The following FSHR variants were observed in gnomAD, a reference collection of about 807,000 sequenced individuals.
FSHR encodes the protein follicle-stimulating hormone receptor.
A neutral mutation model predicts 52.1 loss-of-function variants in FSHR; 46 were observed. The observed-to-expected ratio is 0.88, with a 90% CI of 0.70 to 1.13. FSHR has a LOEUF of 1.13. Among genes scored for constraint, FSHR ranks in the 50% most tolerant of loss-of-function variants. The pLI is 0.00. For synonymous variants in FSHR, 399 were observed against 309.6 expected, an observed-to-expected ratio of 1.29 and a Z score of -3.03; for missense variants, 964 against 834.6, an observed-to-expected ratio of 1.16 and a Z score of -1.91.
Position 49,068,212 on chromosome 2 carries a change from TAC to T in FSHR, c.224+5_224+6del. On this transcript the variant is annotated splice_donor_5th_base_variant and intron_variant, in intron 2 of 9. Transcript: ENST00000406846. ...GGCATTCACTCACAGCAGTGCTAGG[TAC>T]ATACATTTTCTCCAGGTCCCCAAAT... is the stretch of plus-strand genomic sequence containing the variant. The T allele has an allele frequency of 6.2e-7, 1 of 1,607,992 alleles. No homozygotes were observed. Among genetic ancestry groups the T allele is most frequent in the Non-Finnish European group, 8.5e-7 (1 of 1,176,466 alleles).
In FSHR at chr2:49,139,060, C is replaced by A. The variant is rs142742669; in HGVS notation, c.152+15206G>T. Among the ~76,000 whole-genome samples the A allele has an allele frequency of 4.6e-5, 7 of 152,226 alleles. No homozygotes were observed. In the South Asian group the frequency reaches 1.5e-3, roughly 32 times the overall value. On this transcript the variant is annotated intron_variant, in intron 1 of 9. Coordinates refer to ENST00000406846, the MANE Select transcript of FSHR (RefSeq NM_000145.4). Reference sequence around the variant, plus strand: ...ACTACCCACATGATCTTAGACAAATCATTTCATTTCACTGGGCTTCATTTT... The same window carrying A: ...ACTACCCACATGATCTTAGACAAATAATTTCATTTCACTGGGCTTCATTTT...
chr2:49,058,063 G>A (rs11561634), intron 2 of FSHR, among the ~76,000 whole-genome samples: 55,461 of 151,998 alleles, frequency 0.36, 10,521 homozygotes, highest in East Asian at 0.54. Context: ...CTAATATCAT[G>A]TGGATTGAGG....
chr2:49,094,642 C>T (rs993716741), intron 1 of FSHR, among the ~76,000 whole-genome samples: 5 of 152,090 alleles, frequency 3.3e-5, no homozygotes, highest in Non-Finnish European at 7.4e-5. Context: ...AAAAACACAA[C>T]ATCCTGACTT....
chr2:49,050,156 C>G (rs748971452), intron 2 of FSHR, among the ~76,000 whole-genome samples: 27 of 152,146 alleles, frequency 1.8e-4, no homozygotes, highest in Non-Finnish European at 3.4e-4. Context: ...CTTCTAGACA[C>G]TAACTCACGT....
chr2:49,052,921 T>C (rs1668923626), intron 2 of FSHR, among the ~76,000 whole-genome samples: 2 of 152,224 alleles, frequency 1.3e-5, no homozygotes, highest in African/African-American at 2.4e-5. Flanking sequence ...CTTTTATCTG[T>C]GCTGAGTGAG....
intron 8 of FSHR, among the ~76,000 whole-genome samples, chr2:48,971,401 T>G (rs184166591): frequency 6.6e-6 from 1 of 152,352 alleles, no homozygotes; most frequent in African/African-American, 2.4e-5. Flanking sequence ...AGGATCCAGC[T>G]TCTACCAGTT....
At chr2:49,025,500 C>G (rs1403625788) in intron 2 of FSHR, among the ~76,000 whole-genome samples, 1 of 152,062 alleles carries the variant, frequency 6.6e-6, no homozygotes, top group African/African-American at 2.4e-5. Flanking sequence ...ATGTTGTATA[C>G]CTTGTGATAT....
intron 2 of FSHR, among the ~76,000 whole-genome samples, chr2:49,065,854 T>C (rs1307687633): frequency 2.6e-5 from 4 of 152,082 alleles, no homozygotes; most frequent in African/African-American, 9.7e-5. Flanking sequence ...TGGAGCAATC[T>C]GGGAGGTTAA....
In FSHR at chr2:48,962,505, A is replaced by C. The variant is rs1029051780; in HGVS notation, c.*228T>G. On this transcript the variant is annotated 3_prime_UTR_variant, in exon 10 of 10. Transcript: ENST00000406846. ...CAAAAATAACATATATAAGGATAAA[A>C]TATGTAATACAGTATTGCATTCTTT... 2.9e-5 allele frequency: 16 copies of C among 545,562 alleles called. No individual in the cohort carries two copies. Among genetic ancestry groups the C allele is most frequent in the Non-Finnish European group, 4.9e-5 (15 of 306,872 alleles). The allele number at this position is 545,562 out of a possible 1,614,324, so 33.8% of individuals were successfully genotyped here.
chr2:49,025,847 C>T (rs1667895602), intron 2 of FSHR, among the ~76,000 whole-genome samples: 1 of 152,212 alleles, frequency 6.6e-6, no homozygotes, highest in South Asian at 2.1e-4. Flanking sequence ...ATCTGGTCTG[C>T]TGACCGCATA....
chr2:49,007,863 A>G (rs1288501157), intron 4 of FSHR, among the ~76,000 whole-genome samples: 2 of 152,098 alleles, frequency 1.3e-5, no homozygotes, highest in African/African-American at 4.8e-5. Flanking sequence ...TGTAGGAATT[A>G]TTATAATTTT....
intron 2 of FSHR, among the ~76,000 whole-genome samples, chr2:49,023,928 C>T (rs540288655): frequency 1.3e-5 from 2 of 152,146 alleles, no homozygotes; most frequent in Non-Finnish European, 1.5e-5. Context: ...TATACAAGTA[C>T]ATTTGATGGA....
At position 48,989,015 on chromosome 2, in the gene FSHR, T is replaced by G; in HGVS notation, c.486A>C (p.Arg162Ser). The G allele has an allele frequency of 5.0e-6, 8 of 1,614,058 alleles. No homozygotes were observed. The highest frequency in any genetic ancestry group is 5.9e-6 in the Non-Finnish European group (7 of 1,179,954). Residue 162 changes from arginine to serine, a missense_variant, in exon 6 of 10, where the codon AGA (arginine) becomes AGC (serine). Arg to Ser is a moderately radical substitution (Grantham distance 110). Coordinates refer to ENST00000406846, the MANE Select transcript of FSHR (RefSeq NM_000145.4). ...CAAAGCTCAGCCCCACGAAAGAATT[T>G]CTTTCAATTGTGTGGATGTTTATGT... ...QDNINIHTIERNSFVGLSFES... is the reference protein window; with the variant it reads ...QDNINIHTIESNSFVGLSFES...
chr2:49,077,405 C>T (rs896920021), intron 1 of FSHR, among the ~76,000 whole-genome samples: 2 of 152,188 alleles, frequency 1.3e-5, no homozygotes, highest in African/African-American at 4.8e-5. Context: ...AGGCTGCACA[C>T]AGTATGGGGA....
chr2:49,073,820 G>A (rs923135596), intron 1 of FSHR, among the ~76,000 whole-genome samples: 3 of 151,990 alleles, frequency 2.0e-5, no homozygotes, highest in Admixed American at 6.6e-5. Flanking sequence ...AAAACAACAA[G>A]GTATTGGCAT....
intron 8 of FSHR, among the ~76,000 whole-genome samples, chr2:48,969,435 G>C (rs1331806503): frequency 6.6e-6 from 1 of 152,162 alleles, no homozygotes; most frequent in Non-Finnish European, 1.5e-5. Flanking sequence ...CGAACTTGGC[G>C]TCTACAGCAG....
At position 48,996,272 on chromosome 2, in the gene FSHR, T is replaced by TA. The variant is rs1426438711; in HGVS notation, c.375-5636dup. Among the ~76,000 whole-genome samples the TA allele has an allele frequency of 1.4e-4, 21 of 152,228 alleles. 1 individual carries two copies. In the East Asian group the frequency reaches 4.1e-3, roughly 29 times the overall value. ...TGAGAGAAGTTAGGGCAATGATGGA[T>TA]AAGACTAGGAAGAGTGGGCTGAGCT... On this transcript the variant is annotated intron_variant, in intron 4 of 9. Coordinates refer to ENST00000406846, the MANE Select transcript of FSHR (RefSeq NM_000145.4).
At chr2:49,142,261 C>A (rs1003127581) in intron 1 of FSHR, among the ~76,000 whole-genome samples, 7 of 152,176 alleles carry the variant, frequency 4.6e-5, no homozygotes, top group African/African-American at 1.7e-4. Flanking sequence ...AGTTTATGTG[C>A]TATTATAGTG....
intron 2 of FSHR, among the ~76,000 whole-genome samples, chr2:49,028,356 G>A (rs779138469): frequency 3.7e-4 from 57 of 152,204 alleles, no homozygotes; most frequent in Admixed American, 1.4e-3. Flanking sequence ...TGTCTTGGTT[G>A]ACACACATGT....
Sources: allele counts gnomAD v4.1 joint callset (sites outside exome capture counted in the v4.1 genomes callset), GRCh38; gene constraint gnomAD v4.1.1; transcripts MANE v1.5; gene names NCBI Gene and HGNC (gene_info 2026-07-23, HGNC 2026-07-21).